The following MYRFL variants were observed in gnomAD, a reference collection of about 807,000 sequenced individuals.
MYRFL encodes the protein myelin regulatory factor like, also known as myelin regulatory factor-like protein.
Under a neutral mutation model 109.4 loss-of-function variants are expected in MYRFL, and 88 were observed. The observed-to-expected ratio is 0.80, with a 90% confidence interval of 0.68 to 0.96. MYRFL has a LOEUF of 0.96. Ranked by LOEUF, MYRFL falls within the 40% of genes least tolerant of loss-of-function variation. The probability of loss-of-function intolerance (pLI) is 0.00; values close to 1 mark genes in which losing one functional copy is unlikely to be tolerated. For missense variants in MYRFL, 957 were observed against 954.9 expected, an observed-to-expected ratio of 1.00 and a Z score of -0.03; for synonymous variants, 324 against 320.9, an observed-to-expected ratio of 1.01 and a Z score of -0.10.
chr12:69,866,860 G>T (rs1302410129), intron 2 of MYRFL, among the ~76,000 whole-genome samples: 1 of 152,204 alleles, frequency 6.6e-6, no homozygotes, highest in African/African-American at 2.4e-5. Flanking sequence ...AAATTAGCTT[G>T]TGACTCACTG....
chr12:69,930,465 A>G (rs1955234944), intron 15 of MYRFL, among the ~76,000 whole-genome samples: 1 of 152,056 alleles, frequency 6.6e-6, no homozygotes, highest in Non-Finnish European at 1.5e-5. Flanking sequence ...ATGAGATAGG[A>G]AGCTCCCCAG....
chr12:69,854,479 G>A (rs879789423), intron 1 of MYRFL, among the ~76,000 whole-genome samples: 17 of 152,084 alleles, frequency 1.1e-4, no homozygotes, highest in Non-Finnish European at 2.4e-4. Flanking sequence ...TGCCTCCTGG[G>A]TTCAAGGGAT....
intron 1 of MYRFL, among the ~76,000 whole-genome samples, chr12:69,854,937 AGTC>A (rs2136322221): frequency 6.6e-6 from 1 of 152,238 alleles, no homozygotes; most frequent in East Asian, 1.9e-4. Context: ...TATTTATTAT[AGTC>A]AGTAAGAAAC....
intron 2 of MYRFL, among the ~76,000 whole-genome samples, chr12:69,869,825 A>ACT (rs1885234682): frequency 6.6e-6 from 1 of 152,192 alleles, no homozygotes; most frequent in South Asian, 2.1e-4. Context: ...GGCACTCAGT[A>ACT]AAGACTTAGT....
At chr12:69,909,254 C>T (rs1954474335) in intron 11 of MYRFL, among the ~76,000 whole-genome samples, 1 of 152,194 alleles carries the variant, frequency 6.6e-6, no homozygotes, top group African/African-American at 2.4e-5. Context: ...CTTTCACAAC[C>T]AGTCCAACTA....
chr12:69,940,698 G>A (rs1332237704), intron 19 of MYRFL, among the ~76,000 whole-genome samples: 1 of 150,180 alleles, frequency 6.7e-6, no homozygotes, highest in African/African-American at 2.4e-5. Context: ...AACTTTAAAT[G>A]TAAATGGACT....
In MYRFL at chr12:69,846,343, C is replaced by T. The variant is rs376129280; in HGVS notation, c.47-8937C>T. ...TCCTAAAGCTATCCCTCCCCCCTCA[C>T]CCCACCCCACAATAGTCCCCAGAGT... On this transcript the variant is annotated intron_variant, in intron 1 of 24. Transcript: ENST00000552032. 1.1e-4 allele frequency among the ~76,000 whole-genome samples: 16 copies of T among 148,384 alleles called. No individual in the cohort carries two copies. The East Asian group carries it at 2.4e-3, about 22-fold the overall frequency.
At chr12:69,950,577 G>C (rs1044133891) in intron 19 of MYRFL, among the ~76,000 whole-genome samples, 1 of 152,262 alleles carries the variant, frequency 6.6e-6, no homozygotes, top group South Asian at 2.1e-4. Flanking sequence ...GGCTTCAGTT[G>C]AGCAGAGAAG....
intron 20 of MYRFL, 30 bp from the exon 21 acceptor site, chr12:69,952,769 A>G: frequency 7.0e-7 from 1 of 1,425,524 alleles, no homozygotes; most frequent in Non-Finnish European, 9.5e-7. Flanking sequence ...AGAAGAGTTT[A>G]TTTACTTTGT....
chr12:69,890,471 C>T (rs2136337877), intron 6 of MYRFL, among the ~76,000 whole-genome samples: 1 of 152,324 alleles, frequency 6.6e-6, no homozygotes, highest in African/African-American at 2.4e-5. Flanking sequence ...GTAGCTCACA[C>T]CTGTAATCCT....
In MYRFL at chr12:69,920,986, C is replaced by T. The variant is rs142290367; in HGVS notation, c.1603-5585C>T. Among the ~76,000 whole-genome samples, 252 of 152,294 alleles carry T rather than the reference C, an allele frequency of 1.7e-3. 2 individuals carry two copies. The highest frequency in any genetic ancestry group is 5.8e-3 in the African/African-American group (240 of 41,568). On this transcript the variant is annotated intron_variant, in intron 13 of 24. Transcript: ENST00000552032. The stretch of plus-strand genomic sequence containing the variant: ...GTTGCCACCTTTTGCTTCACAATCT[C>T]ATTAGAAAATTTTGGTGGCAAGCTG...
intron 2 of MYRFL, among the ~76,000 whole-genome samples, chr12:69,864,630 G>A (rs1884899838): frequency 7.2e-6 from 1 of 138,656 alleles, no homozygotes; most frequent in Non-Finnish European, 1.5e-5. Context: ...CATTTTTCAA[G>A]GAAGTTACAC....
At chr12:69,874,245 A>G (rs1037266026) in intron 2 of MYRFL, among the ~76,000 whole-genome samples, 1 of 152,214 alleles carries the variant, frequency 6.6e-6, no homozygotes, top group Non-Finnish European at 1.5e-5. Flanking sequence ...GTGGCAACTC[A>G]TGGCTCACTC....
intron 13 of MYRFL, among the ~76,000 whole-genome samples, chr12:69,917,173 C>G (rs1954760275): frequency 6.6e-6 from 1 of 152,104 alleles, no homozygotes; most frequent in Non-Finnish European, 1.5e-5. Context: ...ATAAAATAGT[C>G]CCTGAATCAC....
chr12:69,896,465 G>A (rs1953998814), intron 9 of MYRFL, among the ~76,000 whole-genome samples: 1 of 152,204 alleles, frequency 6.6e-6, no homozygotes, highest in Non-Finnish European at 1.5e-5. Flanking sequence ...CTTTGATGAG[G>A]ATAGTTTTAA....
chr12:69,861,099 A>G (rs1884633347), intron 2 of MYRFL, among the ~76,000 whole-genome samples: 1 of 150,376 alleles, frequency 6.6e-6, no homozygotes, highest in South Asian at 2.1e-4. Flanking sequence ...ATGGCTGCAT[A>G]GTATTCCATG....
In MYRFL at chr12:69,943,549, C is replaced by G. The variant is rs1231342771; in HGVS notation, c.2224+6917C>G. On this transcript the variant is annotated intron_variant, in intron 19 of 24. Transcript: ENST00000552032. The stretch of plus-strand genomic sequence containing the variant: ...AAATCAATTCAAGATGGATTAAAGA[C>G]TTACATGTTAGACCTAAAACCATAA... Among the ~76,000 whole-genome samples the G allele has an allele frequency of 5.9e-5, 9 of 151,520 alleles. No homozygotes were observed. In the East Asian group the frequency reaches 1.7e-3, roughly 29 times the overall value.
At chr12:69,836,217 G>A (rs539407793) in intron 1 of MYRFL, among the ~76,000 whole-genome samples, 1 of 152,168 alleles carries the variant, frequency 6.6e-6, no homozygotes, top group Non-Finnish European at 1.5e-5. Context: ...TCCTCTTGAC[G>A]TCCAGCCGCC....
At chr12:69,942,692 T>C (rs1321452326) in intron 19 of MYRFL, among the ~76,000 whole-genome samples, 2 of 151,832 alleles carry the variant, frequency 1.3e-5, no homozygotes, top group African/African-American at 2.4e-5. Flanking sequence ...CCAGGGCAAT[T>C]AGGCAGGAGA....
Sources: allele counts gnomAD v4.1 joint callset (sites outside exome capture counted in the v4.1 genomes callset), GRCh38; gene constraint gnomAD v4.1.1; transcripts MANE v1.5; gene names NCBI Gene and HGNC (gene_info 2026-07-23, HGNC 2026-07-21).